PRR16: variants seen among roughly 807,000 people sequenced by gnomAD.
PRR16 encodes the protein protein Largen.
A neutral mutation model predicts 18.2 loss-of-function variants in PRR16; 6 were observed. That is an observed-to-expected ratio of 0.33 (90% CI 0.18 to 0.65). PRR16 has a LOEUF of 0.65. Ranked by LOEUF, PRR16 falls within the 30% of genes least tolerant of loss-of-function variation. The pLI is 0.74. For synonymous variants in PRR16, 151 were observed against 147.8 expected, an observed-to-expected ratio of 1.02 and a Z score of -0.16; for missense variants, 412 against 376.6, an observed-to-expected ratio of 1.09 and a Z score of -0.78.
the PRR16 span, among the ~76,000 whole-genome samples, chr5:120,700,021 GAA>G: frequency 2.6e-5 from 4 of 152,182 alleles, no homozygotes; most frequent in African/African-American, 9.7e-5. Flanking sequence ...TAGTGAAAGC[GAA>G]GAGAGGCTGG....
intron 1 of PRR16, among the ~76,000 whole-genome samples, chr5:120,528,692 T>A (rs573922554): frequency 3.0e-4 from 45 of 152,032 alleles, no homozygotes; most frequent in African/African-American, 5.8e-4. Flanking sequence ...CAGAGGTGAT[T>A]TATGGAAAGT....
At chr5:120,692,749 T>G in the PRR16 span, among the ~76,000 whole-genome samples, 1 of 152,212 alleles carries the variant, frequency 6.6e-6, no homozygotes, top group Non-Finnish European at 1.5e-5. Context: ...AGGATGCCAT[T>G]TTATTTTAAA....
intron 1 of PRR16, among the ~76,000 whole-genome samples, chr5:120,655,650 A>C (rs1181096823): frequency 6.6e-6 from 1 of 151,730 alleles, no homozygotes; most frequent in Admixed American, 6.6e-5. Flanking sequence ...AAAACACCCT[A>C]GTATGGAACA....
chr5:120,791,574 G>C, the PRR16 span, among the ~76,000 whole-genome samples: 2 of 137,090 alleles, frequency 1.5e-5, no homozygotes, highest in Non-Finnish European at 3.2e-5. Flanking sequence ...AGTCTGCTAA[G>C]AACTTCTATC....
intron 1 of PRR16, among the ~76,000 whole-genome samples, chr5:120,521,165 TC>T (rs912217276): frequency 6.6e-6 from 1 of 152,118 alleles, no homozygotes; most frequent in African/African-American, 2.4e-5. Context: ...GATACAGGAT[TC>T]CCCAATGAAA....
intron 1 of PRR16, among the ~76,000 whole-genome samples, chr5:120,569,426 C>A (rs1752836122): frequency 6.6e-6 from 1 of 152,096 alleles, no homozygotes; most frequent in African/African-American, 2.4e-5. Context: ...AATCTGTATA[C>A]TTGAAATGGA....
intron 1 of PRR16, among the ~76,000 whole-genome samples, chr5:120,474,679 C>G (rs1490328502): frequency 6.6e-6 from 1 of 151,868 alleles, no homozygotes; most frequent in East Asian, 1.9e-4. Context: ...TAAAAATATG[C>G]CTTCCAATTT....
chr5:120,558,402 T>A (rs1463532658), intron 1 of PRR16, among the ~76,000 whole-genome samples: 2 of 151,962 alleles, frequency 1.3e-5, no homozygotes, highest in Admixed American at 6.6e-5. Context: ...ACATGTGAAT[T>A]TGTTTTTCTA....
intron 1 of PRR16, among the ~76,000 whole-genome samples, chr5:120,636,721 G>A (rs1365672350): frequency 1.3e-5 from 2 of 151,920 alleles, no homozygotes; most frequent in Admixed American, 6.6e-5. Flanking sequence ...CATTGACTTC[G>A]GCAAACACTT....
chr5:120,579,615 C>G (rs111847216), intron 1 of PRR16, among the ~76,000 whole-genome samples: 3,691 of 152,210 alleles, frequency 0.024, 40 homozygotes, highest in South Asian at 0.036. Context: ...GTCTATATGT[C>G]TGTTTTGGTA....
At chr5:120,679,175 A>G (rs1561612300) in intron 1 of PRR16, among the ~76,000 whole-genome samples, 1 of 152,122 alleles carries the variant, frequency 6.6e-6, no homozygotes, top group Non-Finnish European at 1.5e-5. Flanking sequence ...TCTTTGTTTC[A>G]CTGTGATTAA....
chr5:120,598,562 C>T (rs1193042637), intron 1 of PRR16, among the ~76,000 whole-genome samples: 1 of 151,798 alleles, frequency 6.6e-6, no homozygotes, highest in African/African-American at 2.4e-5. Context: ...GGTAGTTTTT[C>T]AGCCCTGCCT....
chr5:120,714,914 T>C, the PRR16 span, among the ~76,000 whole-genome samples: 145,302 of 152,150 alleles, frequency 0.95, 69,636 homozygotes, highest in East Asian at 1. Flanking sequence ...TACATGTTCT[T>C]ACTCATAAAT....
chr5:120,616,286 G>C (rs1290770119), intron 1 of PRR16, among the ~76,000 whole-genome samples: 1 of 152,134 alleles, frequency 6.6e-6, no homozygotes, highest in African/African-American at 2.4e-5. Context: ...TGTAAGGTGG[G>C]AATGAGGGGC....
the PRR16 span, among the ~76,000 whole-genome samples, chr5:120,721,656 A>C: frequency 6.6e-6 from 1 of 152,066 alleles, no homozygotes; most frequent in Admixed American, 6.6e-5. Context: ...GGGACTTTCA[A>C]AGCCATTGTA....
chr5:120,508,626 A>G (rs1019460248), intron 1 of PRR16, among the ~76,000 whole-genome samples: 4 of 152,206 alleles, frequency 2.6e-5, no homozygotes, highest in East Asian at 3.9e-4. Context: ...GTAGGGCTCA[A>G]TCTTCTCCAG....
At chr5:120,516,450 A>C (rs982031093) in intron 1 of PRR16, among the ~76,000 whole-genome samples, 2 of 148,362 alleles carry the variant, frequency 1.3e-5, no homozygotes, top group Non-Finnish European at 3.0e-5. Context: ...AAAAAAAGCA[A>C]GATGTCTTGT....
chr5:120,712,549 A>AT, the PRR16 span, among the ~76,000 whole-genome samples: 5 of 152,196 alleles, frequency 3.3e-5, no homozygotes, highest in East Asian at 9.6e-4. Context: ...TATGTGAACT[A>AT]TATACCTGAT....
chr5:120,634,479 A>T (rs1246713504), intron 1 of PRR16, among the ~76,000 whole-genome samples: 1 of 152,120 alleles, frequency 6.6e-6, no homozygotes, highest in Non-Finnish European at 1.5e-5. Flanking sequence ...CGCCATCTCT[A>T]CTAAAATATA....
Sources: gnomAD v4.1 joint callset for allele counts (sites outside exome capture counted in the v4.1 genomes callset) on GRCh38, gnomAD v4.1.1 for gene constraint, MANE v1.5 for transcripts, NCBI Gene and HGNC (gene_info 2026-07-23, HGNC 2026-07-21) for gene names.